The following TYK2 variants were observed in gnomAD, a reference collection of about 807,000 sequenced individuals.
TYK2 encodes the protein non-receptor tyrosine-protein kinase TYK2.
Under a neutral mutation model 130.9 loss-of-function variants are expected in TYK2, and 65 were observed. The ratio of observed to expected loss-of-function variants is 0.50; its 90% CI spans 0.41 to 0.61. The LOEUF (loss-of-function observed/expected upper bound fraction) is 0.61, where lower values mean the gene tolerates loss of function less well. TYK2 is among the 20% of genes least tolerant of loss of function. TYK2 has a pLI of 0.00. For synonymous variants in TYK2, 647 were observed against 658.9 expected, an observed-to-expected ratio of 0.98 and a Z score of 0.28; for missense variants, 1,378 against 1,610.7, an observed-to-expected ratio of 0.86 and a Z score of 2.47.
At chr19:10,369,738 T>C (rs574884429) in intron 3 of TYK2, 12 of 454,032 alleles carry the variant, frequency 2.6e-5, no homozygotes, top group Admixed American at 4.7e-5. Flanking sequence ...CTTCTACTGA[T>C]GTCATTTAAA....
intron 3 of TYK2, among the ~76,000 whole-genome samples, chr19:10,375,702 G>A (rs1163694269): frequency 1.3e-5 from 2 of 148,282 alleles, no homozygotes; most frequent in East Asian, 4.0e-4. Context: ...AGATCACGAG[G>A]TCAGGAGATC....
In TYK2 at chr19:10,350,816, C is replaced by A. The variant is rs2040760952; in HGVS notation, c.*18G>T. 1 of 1,612,352 alleles carries A rather than the reference C, an allele frequency of 6.2e-7. No individual in the cohort carries two copies. The highest frequency in any genetic ancestry group is 1.7e-5 in the Admixed American group (1 of 60,004). ...CACTGCCTGGTCCAGTCCTCCCAGG[C>A]AGGGCTGCCATTGTGCCTCAGCACA... On this transcript the variant is annotated 3_prime_UTR_variant, in exon 25 of 25. Coordinates refer to ENST00000525621, the MANE Select transcript of TYK2 (RefSeq NM_003331.5).
intron 2 of TYK2, 154 bp from the exon 3 acceptor site, chr19:10,378,580 C>T (rs2042254202): frequency 6.3e-6 from 4 of 637,244 alleles, no homozygotes; most frequent in Admixed American, 2.6e-5. Flanking sequence ...CTCTGAGTCT[C>T]GTTTTCCACA....
rs778134416 is a variant in TYK2 at position 10,353,516 on chromosome 19, G to A, written c.3027+12C>T. 19 of 1,493,508 alleles carry A rather than the reference G, an allele frequency of 1.3e-5. No homozygotes were observed. In the Admixed American group the frequency reaches 3.1e-4, roughly 24 times the overall value. 92.5% of individuals were successfully genotyped at this position (1,493,508 alleles called of 1,614,324 possible). A position where few individuals can be genotyped will look rare whatever the true frequency, so the allele number is the denominator to read the frequency against. On this transcript the variant is annotated intron_variant, in intron 21 of 24. Transcript: ENST00000525621. This position sits in a 1 kb window ranked among gnomAD's most constrained non-coding sequence, Gnocchi z 6.9. Reference sequence around the variant, plus strand: ...GGGGCAAGCTCCAGAAGCAGGGGCGGGGCCGACCAACCTCGCAGATCTGCT... The same window carrying A: ...GGGGCAAGCTCCAGAAGCAGGGGCGAGGCCGACCAACCTCGCAGATCTGCT...
At chr19:10,374,220 C>T (rs1046902071) in intron 3 of TYK2, among the ~76,000 whole-genome samples, 5 of 151,262 alleles carry the variant, frequency 3.3e-5, no homozygotes, top group African/African-American at 7.3e-5. Context: ...GAGCTGAGAT[C>T]GCGCCACTGC....
rs760882131 is a variant in TYK2, at chr19:10,353,571, A to G, written c.2984T>C (p.Ile995Thr). The G allele has an allele frequency of 1.3e-6, 2 of 1,496,902 alleles. No homozygotes were observed. The highest frequency in any genetic ancestry group is 4.4e-5 in the Admixed American group (2 of 45,352). 92.7% of individuals were successfully genotyped at this position (1,496,902 alleles called of 1,614,324 possible). A position where few individuals can be genotyped will look rare whatever the true frequency, so the allele number is the denominator to read the frequency against. ...GAAGAGCAGCAGCTGGGCCAGCCCG[A>G]TGCTGTGCCGGGGCAGGTAGTCTCG... ...SLRDYLPRHSIGLAQLLLFAQ... is the reference protein window; with the variant it reads ...SLRDYLPRHSTGLAQLLLFAQ... Residue 995 changes from isoleucine to threonine, a missense_variant, in exon 21 of 25, where the codon ATC (isoleucine) becomes ACC (threonine). By Grantham distance (89) the Ile-to-Thr change is moderately conservative. Coordinates refer to ENST00000525621, the MANE Select transcript of TYK2 (RefSeq NM_003331.5). This position sits in a 1 kb window ranked among gnomAD's most constrained non-coding sequence, Gnocchi z 6.9.
In TYK2 at chr19:10,362,292, C is replaced by T. The variant is rs775842823; in HGVS notation, c.1641G>A (p.Leu547=). Residue 547 remains leucine (L), a synonymous_variant, in exon 11 of 25, where the codon CTG becomes CTA. Transcript: ENST00000525621. ...CTGGTTGGGGCAGGCAACAGCGACG[C>T]AGAGAGAAGCAGTCATCCCCGGCCC... ...LLRAGDDCFS[L]RRCCLPQPGE... 3.7e-6 allele frequency: 6 copies of T among 1,614,038 alleles called. No individual in the cohort carries two copies. The South Asian group carries it at 6.6e-5, about 18-fold the overall frequency.
intron 3 of TYK2, among the ~76,000 whole-genome samples, chr19:10,374,361 A>G (rs536131561): frequency 6.6e-6 from 1 of 151,926 alleles, no homozygotes; most frequent in African/African-American, 2.4e-5. Context: ...AGGCAGGTGG[A>G]TCACTTGAGG....
At position 10,354,084 on chromosome 19, in the gene TYK2, G is replaced by C; in HGVS notation, c.2866C>G (p.His956Asp). 1 of 1,614,134 alleles carries C rather than the reference G, an allele frequency of 6.2e-7. No homozygotes were observed. Among genetic ancestry groups the C allele is most frequent in the Non-Finnish European group, 8.5e-7 (1 of 1,180,034 alleles). The change falls in exon 20 of 25, where the codon CAC (histidine) becomes GAC (aspartate). Residue 956 changes from histidine to aspartate, a missense_variant. His to Asp is a moderately conservative substitution (Grantham distance 81, BLOSUM62 -1). Transcript: ENST00000525621. ...QEIDILRTLY[H>D]EHIIKYKGCC... ...CCCTTGTACTTGATGATGTGCTCGT[G>C]GTAGAGCGTGCGCAGAATGTCAATC...
intron 5 of TYK2, 66 bp from the exon 6 acceptor site, chr19:10,366,646 C>A: frequency 1.3e-6 from 2 of 1,587,174 alleles, no homozygotes; most frequent in Non-Finnish European, 8.6e-7. Flanking sequence ...CCAGAGGTAT[C>A]CAATCTTCTG....
At chr19:10,376,745 G>A (rs1568345801) in intron 3 of TYK2, among the ~76,000 whole-genome samples, 1 of 152,096 alleles carries the variant, frequency 6.6e-6, no homozygotes, top group Non-Finnish European at 1.5e-5. Context: ...TGGAATTACA[G>A]GTGCGCACCC....
Position 10,361,827 on chromosome 19 carries a change from C to T in TYK2, c.1902G>A (p.Gly634=), listed in dbSNP as rs776487785. The change falls in exon 13 of 25, where the codon GGG becomes GGA. Residue 634 remains glycine (G), a synonymous_variant. Transcript: ENST00000525621. This position sits in a 1 kb window ranked among gnomAD's most constrained non-coding sequence, Gnocchi z 4.0. ...EDPLVPGRDR[G]QELRVVLKVL... ...CTTTGAGCACCACTCGTAGCTCCTGCCCACGGTCCCTGCCAGGCACGAGGG... is the reference window on the plus strand; with the variant it reads ...CTTTGAGCACCACTCGTAGCTCCTGTCCACGGTCCCTGCCAGGCACGAGGG... The T allele has an allele frequency of 1.2e-6, 2 of 1,613,876 alleles. No individual in the cohort carries two copies. Among genetic ancestry groups the T allele is most frequent in the Non-Finnish European group, 8.5e-7 (1 of 1,179,994 alleles).
intron 7 of TYK2, 56 bp from the exon 8 acceptor site, chr19:10,365,104 C>T (rs2041598789): frequency 2.0e-6 from 3 of 1,506,492 alleles, no homozygotes; most frequent in Admixed American, 4.0e-5. Context: ...GTTTATACCT[C>T]CTGCACTTTC....
At position 10,361,213 on chromosome 19, in the gene TYK2, T is replaced by G. The variant is rs987542771; in HGVS notation, c.2047+298A>C. Reference sequence around the variant, plus strand: ...GGCCAGGAGCAGATGGGGGCTGGACTGTAGAGGTTGTTTGGGAGGTTGATG... The same window carrying G: ...GGCCAGGAGCAGATGGGGGCTGGACGGTAGAGGTTGTTTGGGAGGTTGATG... On this transcript the variant is annotated intron_variant, in intron 14 of 24. Coordinates refer to ENST00000525621, the MANE Select transcript of TYK2 (RefSeq NM_003331.5). The surrounding 1 kb of genome is among the most constrained non-coding windows in gnomAD (Gnocchi z 4.0). 3 of 572,266 alleles carry G rather than the reference T, an allele frequency of 5.2e-6. No individual in the cohort carries two copies. In the Admixed American group the frequency reaches 8.2e-5, roughly 16 times the overall value. The allele number at this position is 572,266 out of a possible 1,614,324, so 35.4% of individuals were successfully genotyped here.
chr19:10,353,156 GGCA>G lies in TYK2; in HGVS notation c.3028-61_3028-59del. ...GGGGCGGGGTTCGGCCGGGGGCGGC[GGCA>G]GGACCTGAGCAGCCAGGAGGGCTGG... is the stretch of plus-strand genomic sequence containing the variant. On this transcript the variant is annotated intron_variant, in intron 21 of 24. Transcript: ENST00000525621. This position sits in a 1 kb window ranked among gnomAD's most constrained non-coding sequence, Gnocchi z 6.9. The G allele has an allele frequency of 7.1e-6, 10 of 1,407,732 alleles. No homozygotes were observed. The highest frequency in any genetic ancestry group is 9.4e-6 in the Non-Finnish European group (10 of 1,068,818). The allele number at this position is 1,407,732 out of a possible 1,614,324, so 87.2% of individuals were successfully genotyped here.
At position 10,368,301 on chromosome 19, in the gene TYK2, C is replaced by T. The variant is rs774448680; in HGVS notation, c.311G>A (p.Arg104His). 1.1e-5 allele frequency: 18 copies of T among 1,613,996 alleles called. No homozygotes were observed. The highest frequency in any genetic ancestry group is 4.5e-5 in the East Asian group (2 of 44,896). Residue 104 changes from arginine to histidine, a missense_variant, in exon 4 of 25, where the codon CGC becomes CAC. Transcript: ENST00000525621. ...TGCAAAGGTCTCCACCCACCTTATG[C>T]GGAAATATAGCATCAGGCTTGCATC... is the stretch of plus-strand genomic sequence containing the variant. Reference protein sequence around the residue: ...PRDASLMLYFRIRFYFRNWHG... With the variant: ...PRDASLMLYFHIRFYFRNWHG...
In TYK2 at chr19:10,353,592, T is replaced by A. The variant is rs751038982; in HGVS notation, c.2963A>T (p.Asp988Val). Residue 988 changes from aspartate to valine, a missense_variant, in exon 21 of 25, where the codon GAC becomes GTC. By Grantham distance (152) the Asp-to-Val change is radical (BLOSUM62 -3). Transcript: ENST00000525621. The surrounding 1 kb of genome is among the most constrained non-coding windows in gnomAD (Gnocchi z 6.9). The part of the protein sequence containing the change: ...MEYVPLGSLR[D>V]YLPRHSIGLA... The stretch of plus-strand genomic sequence containing the variant: ...CCCGATGCTGTGCCGGGGCAGGTAG[T>A]CTCGGAGGCTGCCCAGGGGCACGTA... The A allele has an allele frequency of 1.3e-6, 2 of 1,484,012 alleles. No individual in the cohort carries two copies. The highest frequency in any genetic ancestry group is 2.8e-5 in the South Asian group (2 of 70,380). The allele number at this position is 1,484,012 out of a possible 1,614,324, so 91.9% of individuals were successfully genotyped here. A position where few individuals can be genotyped will look rare whatever the true frequency, so the allele number is the denominator to read the frequency against.
At position 10,365,777 on chromosome 19, in the gene TYK2, A is replaced by G. The variant is rs1599351932; in HGVS notation, c.751T>C (p.Ser251Pro). The G allele has an allele frequency of 6.2e-7, 1 of 1,612,592 alleles. No individual in the cohort carries two copies. The highest frequency in any genetic ancestry group is 1.1e-5 in the South Asian group (1 of 91,032). The change falls in exon 7 of 25, where the codon TCC (serine) becomes CCC (proline). Residue 251 changes from serine to proline, a missense_variant. Physicochemically the swap from Ser to Pro is moderately conservative, Grantham distance 74. Transcript: ENST00000525621. ...FLRDFQPGRL[S>P]QQMVMVKYLA... is the part of the protein sequence containing the mutation. ...TATTTGACCATGACCATCTGCTGGG[A>G]GAGTCGGCCCGGCTGGAAGTCCCGC...
rs1480864785 is a variant in TYK2 at position 10,354,252 on chromosome 19, A to C, written c.2716-18T>G. The C allele has an allele frequency of 1.9e-6, 3 of 1,608,862 alleles. No individual in the cohort carries two copies. Among genetic ancestry groups the C allele is most frequent in the Non-Finnish European group, 1.7e-6 (2 of 1,179,864 alleles). Reference sequence around the variant, plus strand: ...AAGTGACCCTGGTCGGGAGCGCACGAGGGTCAGCTCCACCTCCCCAATCCC... The same window carrying C: ...AAGTGACCCTGGTCGGGAGCGCACGCGGGTCAGCTCCACCTCCCCAATCCC... On this transcript the variant is annotated intron_variant, in intron 19 of 24. Coordinates refer to ENST00000525621, the MANE Select transcript of TYK2 (RefSeq NM_003331.5).
Sources: allele counts gnomAD v4.1 joint callset (sites outside exome capture counted in the v4.1 genomes callset), GRCh38; gene constraint gnomAD v4.1.1; non-coding constraint Gnocchi (gnomAD v3.1); transcripts MANE v1.5; gene names NCBI Gene and HGNC (gene_info 2026-07-23, HGNC 2026-07-21).